The following C2CD3 variants were observed in gnomAD, a reference collection of about 807,000 sequenced individuals.
The protein encoded by C2CD3 is C2 domain containing 3 centriole elongation regulator.
C2CD3 carries 148 observed loss-of-function variants against 234.0 expected under a neutral mutation model. The ratio of observed to expected loss-of-function variants is 0.63; its 90% CI spans 0.55 to 0.72. The LOEUF is 0.72. Among genes scored for constraint, C2CD3 ranks in the 30% least tolerant of loss-of-function variants. C2CD3 has a pLI of 0.00. For synonymous variants in C2CD3, 1,000 were observed against 1,035.4 expected, an observed-to-expected ratio of 0.97 and a Z score of 0.66; for missense variants, 2,577 against 2,811.5, an observed-to-expected ratio of 0.92 and a Z score of 1.89.
rs142502370 is a variant in C2CD3 at position 74,118,295 on chromosome 11, T to C, written c.1453A>G (p.Arg485Gly). The change falls in exon 9 of 33, where the codon AGA (arginine) becomes GGA (glycine). Residue 485 changes from arginine (R) to glycine (G), a missense_variant. Arg to Gly is a moderately radical substitution (Grantham distance 125). Coordinates refer to ENST00000334126, the MANE Select transcript of C2CD3 (RefSeq NM_001286577.2). ...CTTGACTCCAGAACCTTAGATGATCTGGCAAGAGCTGTTGACTGGCTTATT... is the reference window on the plus strand; with the variant it reads ...CTTGACTCCAGAACCTTAGATGATCCGGCAAGAGCTGTTGACTGGCTTATT... Reference protein sequence around the residue: ...KKISQSTALARSSKVLESSDH... With the variant: ...KKISQSTALAGSSKVLESSDH... 5 of 1,613,740 alleles carry C rather than the reference T, an allele frequency of 3.1e-6. No homozygotes were observed. The highest frequency in any genetic ancestry group is 3.4e-6 in the Non-Finnish European group (4 of 1,179,648).
chr11:74,049,538 C>T lies in C2CD3; in HGVS notation c.5160G>A (p.Glu1720=). Residue 1720 remains glutamate, a synonymous_variant, in exon 27 of 33, where the codon GAG becomes GAA. Transcript: ENST00000334126. ...CCGAGGCAAAGCCAATCACCCTCTCCTCATCTGTAGAGGAAAGAGAAGAGC... is the reference window on the plus strand; with the variant it reads ...CCGAGGCAAAGCCAATCACCCTCTCTTCATCTGTAGAGGAAAGAGAAGAGC... The part of the protein sequence containing the change: ...LVFKVWHKGD[E]ERVIGFASVD... The T allele has an allele frequency of 6.2e-7, 1 of 1,611,780 alleles. No individual in the cohort carries two copies. The highest frequency in any genetic ancestry group is 1.3e-5 in the African/African-American group (1 of 74,954).
intron 24 of C2CD3, among the ~76,000 whole-genome samples, chr11:74,060,469 G>C (rs975058070): frequency 3.3e-5 from 5 of 152,218 alleles, no homozygotes; most frequent in Non-Finnish European, 5.9e-5. Flanking sequence ...AATATTTGCT[G>C]TTCTGCAGCC....
At chr11:74,091,253 G>A (rs1955883106) in intron 19 of C2CD3, 2 of 217,550 alleles carry the variant, frequency 9.2e-6, no homozygotes, top group Non-Finnish European at 1.8e-5. Flanking sequence ...GAATTGAGAT[G>A]GGCTCTAGCC....
At chr11:74,085,555 G>A in intron 21 of C2CD3, 63 bp downstream of exon 21, 3 of 1,533,588 alleles carry the variant, frequency 2.0e-6, no homozygotes, top group Non-Finnish European at 9.0e-7. Flanking sequence ...TCCTAGGAAG[G>A]GCTATACTAT....
intron 24 of C2CD3, among the ~76,000 whole-genome samples, chr11:74,067,538 CAT>C (rs1954598646): frequency 6.6e-6 from 1 of 151,240 alleles, no homozygotes; most frequent in Admixed American, 6.6e-5. Flanking sequence ...GGAGTTACAG[CAT>C]ATTTTTGAAA....
Position 74,013,210 on chromosome 11 carries a change from G to C in C2CD3, c.*175C>G, listed in dbSNP as rs988211993. The C allele has an allele frequency of 2.9e-5, 11 of 385,560 alleles. No homozygotes were observed. The Admixed American group carries it at 3.2e-4, about 11-fold the overall frequency. 23.9% of individuals were successfully genotyped at this position (385,560 alleles called of 1,614,324 possible). A position where few individuals can be genotyped will look rare whatever the true frequency, so the allele number is the denominator to read the frequency against. ...GGCAAGTGGACACTGGACTGGTTTG[G>C]GGCACTCCTCCAGTCTGGGCTGACC... On this transcript the variant is annotated 3_prime_UTR_variant, in exon 33 of 33. Transcript: ENST00000334126.
At chr11:74,170,152 A>G (rs914491907) in intron 1 of C2CD3, among the ~76,000 whole-genome samples, 2 of 152,114 alleles carry the variant, frequency 1.3e-5, no homozygotes, top group Non-Finnish European at 2.9e-5. Flanking sequence ...CAGGTCCTTC[A>G]GGAGATCGTC....
Position 74,034,101 on chromosome 11 carries a change from G to A in C2CD3, c.6059C>T (p.Ser2020Leu). The A allele has an allele frequency of 6.5e-7, 1 of 1,536,204 alleles. No homozygotes were observed. Among genetic ancestry groups the A allele is most frequent in the Non-Finnish European group, 8.7e-7 (1 of 1,146,920 alleles). Reference sequence around the variant, plus strand: ...TGAAGTCTCTTCGAGAGGAGGGGGTGATGGGGAATCTGTGCCTTTATCTGG... The same window carrying A: ...TGAAGTCTCTTCGAGAGGAGGGGGTAATGGGGAATCTGTGCCTTTATCTGG... ...RAPDKGTDSP[S>L]PPPLEETSNG... The change falls in exon 31 of 33, where the codon TCA becomes TTA. Residue 2020 changes from serine to leucine, a missense_variant. Ser to Leu is a moderately radical substitution (Grantham distance 145, BLOSUM62 -2). Transcript: ENST00000334126.
intron 14 of C2CD3, among the ~76,000 whole-genome samples, chr11:74,100,966 G>A (rs1956293185): frequency 6.6e-6 from 1 of 152,144 alleles, no homozygotes; most frequent in South Asian, 2.1e-4. Context: ...CAAACATGGT[G>A]CCTGCCAAAC....
At chr11:74,026,756 T>G (rs1348813293) in intron 32 of C2CD3, among the ~76,000 whole-genome samples, 1 of 151,422 alleles carries the variant, frequency 6.6e-6, no homozygotes, top group African/African-American at 2.4e-5. Flanking sequence ...GATCATGAGG[T>G]CAAGAGATTG....
rs745725927 is a variant in C2CD3, at chr11:74,074,415, G to A, written c.4789C>T (p.Pro1597Ser). 6.2e-7 allele frequency: 1 copy of A among 1,614,218 alleles called. No individual in the cohort carries two copies. The highest frequency in any genetic ancestry group is 1.7e-5 in the Admixed American group (1 of 60,034). ...TTCTGGTGGCAGGAGATGACTTCTG[G>A]TGGAGAGAGCTGGACCTCATCATTC... is the stretch of plus-strand genomic sequence containing the variant. ...RRNDEVQLSP[P>S]EVISCHQKSP... The change falls in exon 24 of 33, where the codon CCA becomes TCA. Residue 1597 changes from proline (P) to serine (S), a missense_variant. Coordinates refer to ENST00000334126, the MANE Select transcript of C2CD3 (RefSeq NM_001286577.2).
intron 22 of C2CD3, among the ~76,000 whole-genome samples, chr11:74,082,901 A>T (rs1455405520): frequency 6.6e-6 from 1 of 152,210 alleles, no homozygotes; most frequent in Non-Finnish European, 1.5e-5. Flanking sequence ...CATCCCCATC[A>T]AGCTACCAAT....
rs1028338590 is a variant in C2CD3, at chr11:74,118,386, T to C, written c.1366-4A>G. The C allele has an allele frequency of 3.1e-6, 5 of 1,610,820 alleles. No individual in the cohort carries two copies. Among genetic ancestry groups the C allele is most frequent in the South Asian group, 1.1e-5 (1 of 90,878 alleles). On this transcript the variant is annotated splice_polypyrimidine_tract_variant and splice_region_variant and intron_variant, in intron 8 of 32. Coordinates refer to ENST00000334126, the MANE Select transcript of C2CD3 (RefSeq NM_001286577.2). ...CACTGATGCTGGTATCAGATTTCTATGGAGAGGAAGAAACAGAGACACTAA... is the reference window on the plus strand; with the variant it reads ...CACTGATGCTGGTATCAGATTTCTACGGAGAGGAAGAAACAGAGACACTAA...
chr11:74,118,220 C>G lies in C2CD3; in HGVS notation c.1520+8G>C. ...TTTACCTTTAAATAAACAGTCAGAG[C>G]AGCTCACCTATTTCTCTTGCCTGCT... On this transcript the variant is annotated splice_region_variant and intron_variant, in intron 9 of 32. Transcript: ENST00000334126. 6.2e-7 allele frequency: 1 copy of G among 1,609,454 alleles called. No individual in the cohort carries two copies.
intron 7 of C2CD3, among the ~76,000 whole-genome samples, chr11:74,130,939 CTTCT>C (rs1314496402): frequency 6.6e-6 from 1 of 151,762 alleles, no homozygotes; most frequent in Non-Finnish European, 1.5e-5. Flanking sequence ...GTATTTAAAT[CTTCT>C]TTATTTCAAC....
intron 24 of C2CD3, among the ~76,000 whole-genome samples, chr11:74,065,977 C>A (rs542743825): frequency 6.7e-6 from 1 of 150,304 alleles, no homozygotes; most frequent in Non-Finnish European, 1.5e-5. Flanking sequence ...GATAAGTTAA[C>A]GGGTGCAGCA....
rs1417369128 is a variant in C2CD3 at position 74,100,739 on chromosome 11, A to G, written c.2581-63T>C. ...ATACCTGAGACAAATATTAATTTAT[A>G]CTTTCATTCAATAAGCATTTACAGA... On this transcript the variant is annotated intron_variant, in intron 14 of 32. Transcript: ENST00000334126. 2.2e-6 allele frequency: 3 copies of G among 1,369,892 alleles called. No individual in the cohort carries two copies. In the African/African-American group the frequency reaches 4.4e-5, roughly 20 times the overall value. 84.9% of individuals were successfully genotyped at this position (1,369,892 alleles called of 1,614,324 possible). A position where few individuals can be genotyped will look rare whatever the true frequency, so the allele number is the denominator to read the frequency against.
intron 8 of C2CD3, 111 bp from the exon 9 acceptor site, chr11:74,118,493 T>A: frequency 1.5e-6 from 1 of 675,418 alleles, no homozygotes; most frequent in Non-Finnish European, 2.4e-6. Flanking sequence ...ATCATTCTCT[T>A]AAAGAAAGAA....
chr11:74,145,475 T>C (rs1279418646), intron 3 of C2CD3, among the ~76,000 whole-genome samples: 1 of 152,166 alleles, frequency 6.6e-6, no homozygotes, highest in Non-Finnish European at 1.5e-5. Context: ...TTGTCAGATG[T>C]ATAGCTTGGA....
Sources: allele counts gnomAD v4.1 joint callset (sites outside exome capture counted in the v4.1 genomes callset), GRCh38; gene constraint gnomAD v4.1.1; transcripts MANE v1.5; gene names NCBI Gene and HGNC (gene_info 2026-07-23, HGNC 2026-07-21).